The following TCAIM variants were observed in gnomAD, a reference collection of about 807,000 sequenced individuals.
The protein encoded by TCAIM is T cell activation inhibitor, mitochondrial.
A neutral mutation model predicts 58.6 loss-of-function variants in TCAIM; 36 were observed. That is an observed-to-expected ratio of 0.61 (90% CI 0.47 to 0.81). The LOEUF (loss-of-function observed/expected upper bound fraction) is 0.81, where lower values mean the gene tolerates loss of function less well. Among genes scored for constraint, TCAIM ranks in the 30% least tolerant of loss-of-function variants. TCAIM has a pLI of 0.00. For missense variants in TCAIM, 466 were observed against 579.6 expected (o/e 0.80, Z 2.01); for synonymous variants, 172 against 193.6 (o/e 0.89, Z 0.93).
At chr3:44,368,041 A>G (rs368175578) in intron 5 of TCAIM, among the ~76,000 whole-genome samples, 1 of 152,216 alleles carries the variant, frequency 6.6e-6, no homozygotes, top group African/African-American at 2.4e-5. Flanking sequence ...GAGAAAGGCT[A>G]TACCTAAGAC....
intron 3 of TCAIM, chr3:44,358,408 C>A: frequency 1.6e-6 from 1 of 615,868 alleles, no homozygotes; most frequent in South Asian, 2.0e-5. Flanking sequence ...TCCTTCATAT[C>A]CATGGGTTTT....
intron 5 of TCAIM, among the ~76,000 whole-genome samples, chr3:44,388,614 T>C (rs1411701059): frequency 1.3e-5 from 2 of 152,244 alleles, no homozygotes; most frequent in Non-Finnish European, 2.9e-5. Context: ...TATTTAGGGC[T>C]ATATAAATAT....
At chr3:44,362,213 AT>A (rs965410646) in intron 4 of TCAIM, among the ~76,000 whole-genome samples, 2 of 151,668 alleles carry the variant, frequency 1.3e-5, no homozygotes, top group Non-Finnish European at 2.9e-5. Context: ...ATACACTGTA[AT>A]TTTTTTTTGA....
intron 8 of TCAIM, 90 bp downstream of exon 8, chr3:44,396,924 TTTG>T: frequency 7.8e-7 from 1 of 1,286,540 alleles, no homozygotes; most frequent in East Asian, 2.4e-5. Context: ...TAAAAAAAGG[TTTG>T]TTGTGTTTTT....
chr3:44,392,004 G>A (rs1325177105), intron 5 of TCAIM, among the ~76,000 whole-genome samples: 1 of 152,084 alleles, frequency 6.6e-6, no homozygotes, highest in East Asian at 1.9e-4. Flanking sequence ...TCCCATATGT[G>A]TATGACTGAC....
chr3:44,364,910 T>C (rs1358376371), intron 4 of TCAIM, among the ~76,000 whole-genome samples: 1 of 152,196 alleles, frequency 6.6e-6, no homozygotes, highest in Non-Finnish European at 1.5e-5. Flanking sequence ...TAGTGCAAAC[T>C]ACAAACTCTG....
intron 5 of TCAIM, among the ~76,000 whole-genome samples, chr3:44,382,657 A>G (rs991844220): frequency 6.6e-6 from 1 of 152,230 alleles, no homozygotes; most frequent in Non-Finnish European, 1.5e-5. Context: ...AACATAGGGC[A>G]GAAGATTCAT....
chr3:44,375,092 C>A (rs1701543991), intron 5 of TCAIM, among the ~76,000 whole-genome samples: 1 of 152,036 alleles, frequency 6.6e-6, no homozygotes, highest in Non-Finnish European at 1.5e-5. Flanking sequence ...TTTTAATGTT[C>A]TTTTGGCTTC....
upstream of TCAIM, chr3:44,338,758 T>G (rs997076179): frequency 1.3e-5 from 2 of 152,324 alleles, no homozygotes; most frequent in Non-Finnish European, 2.9e-5. Context: ...GCGGAGCGAC[T>G]GTCCTCCCTT....
intron 10 of TCAIM, among the ~76,000 whole-genome samples, chr3:44,401,592 C>T (rs1465395253): frequency 2.6e-5 from 4 of 152,094 alleles, no homozygotes; most frequent in Admixed American, 2.0e-4. Context: ...AGGAATTTTC[C>T]AGATGGAAAA....
At chr3:44,392,110 T>C (rs1437853023) in intron 5 of TCAIM, among the ~76,000 whole-genome samples, 1 of 152,218 alleles carries the variant, frequency 6.6e-6, no homozygotes, top group African/African-American at 2.4e-5. Context: ...AGGAATCTAG[T>C]GACAGGTTTG....
intron 9 of TCAIM, 51 bp downstream of exon 9, chr3:44,400,638 T>C: frequency 3.4e-6 from 5 of 1,488,854 alleles, no homozygotes; most frequent in Non-Finnish European, 4.7e-6. Flanking sequence ...CTAGGTGGGT[T>C]GTGTGTGTAA....
Position 44,367,608 on chromosome 3 carries a change from G to C in TCAIM, c.472G>C (p.Asp158His). ...QPLKEAKRMP[D>H]RPIKWDKSYY... ...TCTCAAAGAAGCTAAAAGGATGCCTGACAGGCCCATCAAATGGGACAAGTC... is the reference window on the plus strand; with the variant it reads ...TCTCAAAGAAGCTAAAAGGATGCCTCACAGGCCCATCAAATGGGACAAGTC... The change falls in exon 5 of 11, where the codon GAC (aspartate) becomes CAC (histidine). Residue 158 changes from aspartate to histidine, a missense_variant. Transcript: ENST00000342649. 6.2e-7 allele frequency: 1 copy of C among 1,614,010 alleles called. No individual in the cohort carries two copies. The highest frequency in any genetic ancestry group is 2.2e-5 in the East Asian group (1 of 44,866).
At chr3:44,359,508 GAGCTGAGACTGAGT>G (rs1559564861) in intron 3 of TCAIM, 1 of 152,222 alleles carries the variant, frequency 6.6e-6, no homozygotes, top group Non-Finnish European at 1.5e-5. Context: ...GGTATTTGGG[GAGCTGAGACTGAGT>G]AGCTGAAGTG....
intron 6 of TCAIM, among the ~76,000 whole-genome samples, chr3:44,395,300 A>G (rs1701916658): frequency 6.6e-6 from 1 of 152,158 alleles, no homozygotes; most frequent in Non-Finnish European, 1.5e-5. Flanking sequence ...TTTTATCAGA[A>G]ATGACATTCA....
At chr3:44,402,579 A>G (rs1207548131) in intron 10 of TCAIM, among the ~76,000 whole-genome samples, 1 of 152,188 alleles carries the variant, frequency 6.6e-6, no homozygotes, top group African/African-American at 2.4e-5. Context: ...TTACTTAGCC[A>G]GCATTTACTG....
intron 2 of TCAIM, among the ~76,000 whole-genome samples, chr3:44,356,611 AT>A (rs746097341): frequency 6.6e-6 from 1 of 152,202 alleles, no homozygotes; most frequent in Non-Finnish European, 1.5e-5. Flanking sequence ...AAATAATTTC[AT>A]TTGGATTTAA....
At chr3:44,358,156 T>C in intron 3 of TCAIM, 1 of 1,530,350 alleles carries the variant, frequency 6.5e-7, no homozygotes, top group Admixed American at 2.3e-5. Context: ...GTTGAGGGTT[T>C]GAAAGAAAAC....
intron 2 of TCAIM, among the ~76,000 whole-genome samples, chr3:44,355,966 A>C (rs1701182656): frequency 6.6e-6 from 1 of 152,178 alleles, no homozygotes; most frequent in Admixed American, 6.5e-5. Context: ...CTCATATTTA[A>C]TGCTGGCTGA....
Sources: gnomAD v4.1 joint callset for allele counts (sites outside exome capture counted in the v4.1 genomes callset) on GRCh38, gnomAD v4.1.1 for gene constraint, MANE v1.5 for transcripts, NCBI Gene and HGNC (gene_info 2026-07-23, HGNC 2026-07-21) for gene names.